UBQLN4: variants seen among roughly 807,000 people sequenced by gnomAD.
UBQLN4 encodes ubiquilin-4.
In UBQLN4, 11 loss-of-function variants were observed where a neutral mutation model predicts 60.4. The ratio of observed to expected loss-of-function variants is 0.18; its 90% CI spans 0.11 to 0.30. UBQLN4 has a LOEUF of 0.30. Among genes scored for constraint, UBQLN4 ranks in the 10% least tolerant of loss-of-function variants. The pLI is 1.00. For synonymous variants in UBQLN4, 258 were observed against 313.1 expected (o/e 0.82, Z 1.86); for missense variants, 417 against 795.5 (o/e 0.52, Z 5.72).
chr1:156,042,090 C>T (rs1156780992), intron 8 of UBQLN4, 63 bp downstream of exon 8: 2 of 1,609,908 alleles, frequency 1.2e-6, no homozygotes, highest in Non-Finnish European at 1.7e-6. Flanking sequence ...TTCATTTCCA[C>T]CCATTGGGCT....
downstream of UBQLN4, among the ~76,000 whole-genome samples, chr1:156,032,935 G>T (rs1203984456): frequency 6.6e-6 from 1 of 152,164 alleles, no homozygotes; most frequent in South Asian, 2.1e-4. Context: ...GGACAAGGAG[G>T]ATGAGGAAGA....
At chr1:156,041,418 T>A (rs1683559355) in intron 10 of UBQLN4, 67 bp downstream of exon 10, 1 of 1,466,330 alleles carries the variant, frequency 6.8e-7, no homozygotes, top group Non-Finnish European at 9.1e-7. Context: ...TCTATTCTAT[T>A]GCTTCCCTTG....
chr1:156,053,634 T>C lies in UBQLN4; in HGVS notation c.68A>G (p.Lys23Arg), dbSNP rs200410841. The change falls in exon 1 of 11, where the codon AAG becomes AGG. Residue 23 changes from lysine (K) to arginine (R), a missense_variant. Transcript: ENST00000368309. ...TCGATCGCAGATCACAATTTCCTCC[T>C]TGTCCTTGGGGGTCTTGACGGTGAC... is the stretch of plus-strand genomic sequence containing the variant. ...IRVTVKTPKDKEEIVICDRAS... is the reference protein window; with the variant it reads ...IRVTVKTPKDREEIVICDRAS... 2.6e-5 allele frequency: 36 copies of C among 1,365,408 alleles called. No individual in the cohort carries two copies. The highest frequency in any genetic ancestry group is 2.5e-4 in the Middle Eastern group (1 of 3,992). 84.6% of individuals were successfully genotyped at this position (1,365,408 alleles called of 1,614,324 possible).
At chr1:156,047,621 C>T (rs546564748) in intron 5 of UBQLN4, among the ~76,000 whole-genome samples, 4 of 151,300 alleles carry the variant, frequency 2.6e-5, no homozygotes, top group South Asian at 2.1e-4. Context: ...CATGGCCAGG[C>T]GCGGTGGCTC....
chr1:156,045,877 G>A (rs1230364307), intron 5 of UBQLN4, among the ~76,000 whole-genome samples: 2 of 150,892 alleles, frequency 1.3e-5, no homozygotes, highest in African/African-American at 4.9e-5. Flanking sequence ...ATGGAGTCTC[G>A]TTTTGCTGCC....
chr1:156,041,250 T>G (rs1027690819), intron 10 of UBQLN4, among the ~76,000 whole-genome samples: 2 of 152,218 alleles, frequency 1.3e-5, no homozygotes, highest in Non-Finnish European at 1.5e-5. Context: ...CTCCAAAATC[T>G]AAAGCATTTA....
chr1:156,051,377 A>T, intron 2 of UBQLN4, 50 bp from the exon 3 acceptor site: 1 of 1,538,292 alleles, frequency 6.5e-7, no homozygotes, highest in South Asian at 1.2e-5. Context: ...TAGAAGAGGG[A>T]AGGTACCGTG....
downstream of UBQLN4, chr1:156,033,126 T>C (rs1453512260): frequency 1.2e-6 from 1 of 838,906 alleles, no homozygotes; most frequent in Non-Finnish European, 1.4e-6. Flanking sequence ...TTGCCAATAC[T>C]TATGTAGCTG....
chr1:156,031,580 T>C (rs928865966), downstream of UBQLN4, among the ~76,000 whole-genome samples: 9 of 44,640 alleles, frequency 2.0e-4, no homozygotes, highest in Non-Finnish European at 5.8e-4. Context: ...ACTTCTTCTT[T>C]TTTTTTTTTT....
At chr1:156,047,411 T>A (rs935687933) in intron 5 of UBQLN4, among the ~76,000 whole-genome samples, 2 of 151,360 alleles carry the variant, frequency 1.3e-5, no homozygotes, top group Non-Finnish European at 2.9e-5. Context: ...GCCCGGCTAA[T>A]TTTTTGTATT....
At chr1:156,051,473 G>C (rs1683870382) in intron 2 of UBQLN4, 146 bp from the exon 3 acceptor site, 2 of 1,178,566 alleles carry the variant, frequency 1.7e-6, no homozygotes, top group South Asian at 2.7e-5. Context: ...GTGATGGCGG[G>C]AGGGCAGTCA....
chr1:156,040,436 C>T (rs1463082311), intron 10 of UBQLN4, among the ~76,000 whole-genome samples: 3 of 130,664 alleles, frequency 2.3e-5, no homozygotes, highest in African/African-American at 8.1e-5. Flanking sequence ...TATCACAGTC[C>T]ACACATTTTT....
intron 10 of UBQLN4, among the ~76,000 whole-genome samples, chr1:156,039,039 G>A (rs1271345919): frequency 1.3e-5 from 2 of 151,996 alleles, no homozygotes; most frequent in Non-Finnish European, 2.9e-5. Context: ...TGATACACCC[G>A]CCTTGGCCTC....
intron 7 of UBQLN4, 75 bp from the exon 8 acceptor site, chr1:156,042,311 TG>T: frequency 6.7e-7 from 1 of 1,496,208 alleles, no homozygotes; most frequent in Non-Finnish European, 8.9e-7. Flanking sequence ...TCAGACTCCC[TG>T]GGCACCCCCT....
At chr1:156,034,340 C>T (rs1683345921), downstream of UBQLN4, among the ~76,000 whole-genome samples, 1 of 149,998 alleles carries the variant, frequency 6.7e-6, no homozygotes, top group South Asian at 2.1e-4. Context: ...TCTGTCGCCC[C>T]CAGGCTAGAG....
rs768155341 is a variant in UBQLN4 at position 156,050,390 on chromosome 1, C to G, written c.642G>C (p.Leu214=). ...GGTTGGCCATAATCATGTGACGCAT[C>G]AGATCAGGGTTAGACATCATATCCT... ...LVQDMMSNPD[L]MRHMIMANPQ... The change falls in exon 4 of 11, where the codon CTG becomes CTC. Residue 214 remains leucine, a synonymous_variant. Coordinates refer to ENST00000368309, the MANE Select transcript of UBQLN4 (RefSeq NM_020131.5). The surrounding 1 kb of genome is among the most constrained non-coding windows in gnomAD (Gnocchi z 4.6). The G allele has an allele frequency of 6.2e-7, 1 of 1,613,838 alleles. No individual in the cohort carries two copies. Among genetic ancestry groups the G allele is most frequent in the Non-Finnish European group, 8.5e-7 (1 of 1,179,874 alleles).
downstream of UBQLN4, among the ~76,000 whole-genome samples, chr1:156,031,532 T>C (rs957396782): frequency 2.6e-5 from 4 of 152,022 alleles, no homozygotes; most frequent in Non-Finnish European, 5.9e-5. Context: ...TAATATCCTT[T>C]CAATACTCAT....
Position 156,037,049 on chromosome 1 carries a change from G to C in UBQLN4, c.1735C>G (p.Gln579Glu). ...TCCCCTCCTGTGGCAATCAGGGCCT[G>C]CAGGTTAGCCTCACGATTGATGAAG... is the stretch of plus-strand genomic sequence containing the variant. ...MGFINREANL[Q>E]ALIATGGDIN... The change falls in exon 11 of 11, where the codon CAG becomes GAG. Residue 579 changes from glutamine (Q) to glutamate (E), a missense_variant. Transcript: ENST00000368309. The C allele has an allele frequency of 6.2e-7, 1 of 1,614,216 alleles. No homozygotes were observed.
intron 5 of UBQLN4, among the ~76,000 whole-genome samples, chr1:156,047,773 T>C (rs1683751971): frequency 6.6e-6 from 1 of 150,418 alleles, no homozygotes; most frequent in African/African-American, 2.4e-5. Context: ...CATGTACCTG[T>C]AGTCTTAGCC....
Sources: allele counts gnomAD v4.1 joint callset (sites outside exome capture counted in the v4.1 genomes callset), GRCh38; gene constraint gnomAD v4.1.1; non-coding constraint Gnocchi (gnomAD v3.1); transcripts MANE v1.5; gene names NCBI Gene and HGNC (gene_info 2026-07-23, HGNC 2026-07-21).